Variants in EGLN2 observed in about 807,000 individuals in gnomAD.
EGLN2 encodes the protein prolyl hydroxylase EGLN2.
Under a neutral mutation model 38.2 loss-of-function variants are expected in EGLN2, and 15 were observed. The ratio of observed to expected loss-of-function variants is 0.39; its 90% CI spans 0.26 to 0.60. EGLN2 has a LOEUF of 0.60. EGLN2 is among the 20% of genes least tolerant of loss of function. The probability of loss-of-function intolerance (pLI) is 0.50; values close to 1 mark genes in which losing one functional copy is unlikely to be tolerated. For synonymous variants in EGLN2, 284 were observed against 237.4 expected (o/e 1.20, Z -1.81); for missense variants, 492 against 570.4 (o/e 0.86, Z 1.40).
intron 2 of EGLN2, among the ~76,000 whole-genome samples, chr19:40,802,956 C>G (rs777732087): frequency 1.3e-5 from 2 of 152,226 alleles, no homozygotes; most frequent in Non-Finnish European, 2.9e-5. Context: ...GGGACCAGGG[C>G]TCCCCCGGGG....
chr19:40,807,670 C>T lies in EGLN2; in HGVS notation c.1168+119C>T, dbSNP rs746460179. 6.4e-6 allele frequency: 9 copies of T among 1,416,902 alleles called. No individual in the cohort carries two copies. In the African/African-American group the frequency reaches 7.1e-5, roughly 11 times the overall value. The allele number at this position is 1,416,902 out of a possible 1,614,324, so 87.8% of individuals were successfully genotyped here. A position where few individuals can be genotyped will look rare whatever the true frequency, so the allele number is the denominator to read the frequency against. On this transcript the variant is annotated intron_variant, in intron 5 of 5. Transcript: ENST00000303961. ...CACCACTCATTTTTCTTCATCTCTG[C>T]CCACCTTCCTTAGCCCACTCTCCTG...
At position 40,799,496 on chromosome 19, in the gene EGLN2, G is replaced by A. The variant is rs530275276; in HGVS notation, c.-235+234G>A. 234 of 151,384 alleles carry A rather than the reference G, an allele frequency of 1.5e-3. 3 individuals carry two copies. Among genetic ancestry groups the A allele is most frequent in the African/African-American group, 5.5e-3 (229 of 41,304 alleles). 9.4% of individuals were successfully genotyped at this position (151,384 alleles called of 1,614,324 possible). A position where few individuals can be genotyped will look rare whatever the true frequency, so the allele number is the denominator to read the frequency against. On this transcript the variant is annotated intron_variant, in intron 1 of 5. Coordinates refer to ENST00000303961, the MANE Select transcript of EGLN2 (RefSeq NM_080732.4). Reference sequence around the variant, plus strand: ...GCGCGCCGGGCGGAGGCCGAGTGGAGGGGGAGGGGAGGGGGTCCGAGCGGC... The same window carrying A: ...GCGCGCCGGGCGGAGGCCGAGTGGAAGGGGAGGGGAGGGGGTCCGAGCGGC...
At chr19:40,806,974 T>C in intron 3 of EGLN2, 164 bp from the exon 4 acceptor site, 1 of 1,144,828 alleles carries the variant, frequency 8.7e-7, no homozygotes, top group Non-Finnish European at 1.2e-6. Context: ...CCTGCCCATC[T>C]CCATGGTGAT....
chr19:40,807,624 C>A, intron 5 of EGLN2, 73 bp downstream of exon 5: 1 of 1,536,920 alleles, frequency 6.5e-7, no homozygotes, highest in Non-Finnish European at 9.0e-7. Flanking sequence ...CCATCCCCCT[C>A]ATCAGCCTCT....
rs1026813327 is a variant in EGLN2 at position 40,808,274 on chromosome 19, C to T, written c.*410C>T. ...GGAGTACCCCCAAGTCCTCTCACTCCTCCAGCCTGGAATGTGAAGTGACTC... is the reference window on the plus strand; with the variant it reads ...GGAGTACCCCCAAGTCCTCTCACTCTTCCAGCCTGGAATGTGAAGTGACTC... On this transcript the variant is annotated 3_prime_UTR_variant, in exon 6 of 6. Transcript: ENST00000303961. The T allele has an allele frequency of 2.9e-5, 12 of 415,956 alleles. No individual in the cohort carries two copies. The highest frequency in any genetic ancestry group is 1.0e-4 in the African/African-American group (5 of 48,918). 25.8% of individuals were successfully genotyped at this position (415,956 alleles called of 1,614,324 possible).
rs145455485 is a variant in EGLN2, at chr19:40,801,231, G to A, written c.659G>A (p.Arg220Gln). 2.5e-5 allele frequency: 41 copies of A among 1,612,552 alleles called. No homozygotes were observed. Among genetic ancestry groups the A allele is most frequent in the African/African-American group, 1.3e-5 (1 of 74,952 alleles). The change falls in exon 2 of 6, where the codon CGA (arginine) becomes CAA (glutamine). Residue 220 changes from arginine to glutamine, a missense_variant. Transcript: ENST00000303961. Reference sequence around the variant, plus strand: ...GCCCTCAAACGGGGTGGGCGCCTGCGAGACGGGCAGCTAGTGAGCCAGAGG... The same window carrying A: ...GCCCTCAAACGGGGTGGGCGCCTGCAAGACGGGCAGCTAGTGAGCCAGAGG... ...VEALKRGGRL[R>Q]DGQLVSQRAI...
intron 3 of EGLN2, chr19:40,806,878 C>T (rs1369540157): frequency 1.1e-6 from 1 of 930,654 alleles, no homozygotes; most frequent in Non-Finnish European, 1.6e-6. Flanking sequence ...GTGGGAACTC[C>T]CCTCTTTCCG....
At position 40,807,950 on chromosome 19, in the gene EGLN2, C is replaced by T. The variant is rs573597851; in HGVS notation, c.*86C>T. 1.3e-5 allele frequency: 17 copies of T among 1,332,020 alleles called. No individual in the cohort carries two copies. Among genetic ancestry groups the T allele is most frequent in the Middle Eastern group, 1.8e-4 (1 of 5,526 alleles). 82.5% of individuals were successfully genotyped at this position (1,332,020 alleles called of 1,614,324 possible). A position where few individuals can be genotyped will look rare whatever the true frequency, so the allele number is the denominator to read the frequency against. On this transcript the variant is annotated 3_prime_UTR_variant, in exon 6 of 6. Coordinates refer to ENST00000303961, the MANE Select transcript of EGLN2 (RefSeq NM_080732.4). ...GTGCTGGCTGCTCCTTCCCTGCCAC[C>T]GCTGCTGCTTCTGACTTTGCCTCTG...
rs1599764590 is a variant in EGLN2 at position 40,807,975 on chromosome 19, G to A, written c.*111G>A. The A allele has an allele frequency of 4.7e-6, 5 of 1,073,832 alleles. No individual in the cohort carries two copies. Among genetic ancestry groups the A allele is most frequent in the Non-Finnish European group, 5.5e-6 (4 of 721,540 alleles). The allele number at this position is 1,073,832 out of a possible 1,614,324, so 66.5% of individuals were successfully genotyped here. On this transcript the variant is annotated 3_prime_UTR_variant, in exon 6 of 6. Transcript: ENST00000303961. ...CGCTGCTGCTTCTGACTTTGCCTCT[G>A]TCCTGCCTGGTGTGGAGGGCTCTGT...
intron 2 of EGLN2, among the ~76,000 whole-genome samples, chr19:40,802,683 C>T (rs1403850265): frequency 2.0e-5 from 3 of 152,238 alleles, no homozygotes; most frequent in African/African-American, 7.2e-5. Flanking sequence ...GTCCATAGGG[C>T]CTTTCCGGGC....
chr19:40,806,763 C>G, intron 3 of EGLN2, 89 bp downstream of exon 3: 1 of 1,525,688 alleles, frequency 6.6e-7, no homozygotes, highest in Non-Finnish European at 9.0e-7. Context: ...ACTCTCAGCC[C>G]AGATTCTGGC....
chr19:40,807,437 G>A (rs777247518), intron 4 of EGLN2, 47 bp from the exon 5 acceptor site: 8 of 1,611,566 alleles, frequency 5.0e-6, no homozygotes, highest in Non-Finnish European at 4.2e-6. Context: ...TGTGGATATG[G>A]TAGCTGGAAT....
At chr19:40,805,204 TACCAGGGCAGAGAG>T (rs1410825302) in intron 2 of EGLN2, 7 of 152,500 alleles carry the variant, frequency 4.6e-5, no homozygotes, top group African/African-American at 1.4e-4. Context: ...AGCAGAGTTG[TACCAGGGCAGAGAG>T]GTCAGGGCAG....
intron 5 of EGLN2, 37 bp from the exon 6 acceptor site, chr19:40,807,772 T>C (rs1422856692): frequency 1.2e-6 from 2 of 1,610,880 alleles, no homozygotes; most frequent in Admixed American, 1.7e-5. Context: ...TTTGTCCTTC[T>C]GATGACTCAC....
intron 2 of EGLN2, among the ~76,000 whole-genome samples, chr19:40,802,827 G>A (rs188647709): frequency 6.6e-6 from 1 of 152,354 alleles, no homozygotes; most frequent in African/African-American, 2.4e-5. Context: ...CTGATGGCAC[G>A]GGCAGTGTTG....
At chr19:40,801,504 A>G (rs371273557) in intron 2 of EGLN2, 89 bp downstream of exon 2, 5 of 1,521,172 alleles carry the variant, frequency 3.3e-6, no homozygotes, top group Admixed American at 4.0e-5. Flanking sequence ...GTTTGGAGAC[A>G]GGCTTCTGGG....
chr19:40,807,215 G>T lies in EGLN2; in HGVS notation c.1041G>T (p.Leu347Phe). 1 of 1,614,194 alleles carries T rather than the reference G, an allele frequency of 6.2e-7. No homozygotes were observed. The highest frequency in any genetic ancestry group is 8.5e-7 in the Non-Finnish European group (1 of 1,180,022). The change falls in exon 4 of 6, where the codon TTG (leucine) becomes TTT (phenylalanine). Residue 347 changes from leucine (L) to phenylalanine (F), a missense_variant. By Grantham distance (22) the Leu-to-Phe change is conservative (BLOSUM62 0). Coordinates refer to ENST00000303961, the MANE Select transcript of EGLN2 (RefSeq NM_080732.4). The part of the protein sequence containing the change: ...VANIEPLFDR[L>F]LIFWSDRRNP... ...ACATCGAGCCACTCTTTGACCGGTT[G>T]CTCATTTTCTGGTCTGACCGGCGGA... is the stretch of plus-strand genomic sequence containing the variant.
intron 2 of EGLN2, among the ~76,000 whole-genome samples, chr19:40,802,176 G>C (rs1270111276): frequency 6.6e-6 from 1 of 152,216 alleles, no homozygotes; most frequent in Admixed American, 6.5e-5. Flanking sequence ...GCAGAAGGGG[G>C]AGGGTGGCTG....
chr19:40,800,534 C>A lies in EGLN2; in HGVS notation c.-39C>A. The A allele has an allele frequency of 6.5e-7, 1 of 1,533,466 alleles. No homozygotes were observed. Among genetic ancestry groups the A allele is most frequent in the Non-Finnish European group, 8.8e-7 (1 of 1,140,870 alleles). 95.0% of individuals were successfully genotyped at this position (1,533,466 alleles called of 1,614,324 possible). ...AGGAGGGTGGCACCATGGGCCCGGG[C>A]GGTGCCCTCCATGCCCGGGGGATGA... On this transcript the variant is annotated 5_prime_UTR_variant, in exon 2 of 6. Coordinates refer to ENST00000303961, the MANE Select transcript of EGLN2 (RefSeq NM_080732.4).
Sources: allele counts gnomAD v4.1 joint callset (sites outside exome capture counted in the v4.1 genomes callset), GRCh38; gene constraint gnomAD v4.1.1; transcripts MANE v1.5; gene names NCBI Gene and HGNC (gene_info 2026-07-23, HGNC 2026-07-21).